Variants in WDR33 observed in about 807,000 individuals in gnomAD.
WDR33 encodes the protein WD repeat domain 33.
In WDR33, 47 loss-of-function variants were observed where a neutral mutation model predicts 164.9. The observed-to-expected ratio is 0.29, with a 90% confidence interval of 0.23 to 0.36. The LOEUF (loss-of-function observed/expected upper bound fraction) is 0.36. Among genes scored for constraint, WDR33 ranks in the 10% least tolerant of loss-of-function variants. The probability of loss-of-function intolerance (pLI) is 1.00; values close to 1 mark genes in which losing one functional copy is unlikely to be tolerated. For synonymous variants in WDR33, 505 were observed against 589.0 expected (o/e 0.86, Z 2.06); for missense variants, 1,137 against 1,754.1 (o/e 0.65, Z 6.28).
At chr2:127,762,107 T>C (rs1392840104) in intron 7 of WDR33, among the ~76,000 whole-genome samples, 1 of 152,210 alleles carries the variant, frequency 6.6e-6, no homozygotes, top group Non-Finnish European at 1.5e-5. Context: ...GGAAAAGCTC[T>C]GAATAATAAT....
rs1686911473 is a variant in WDR33 at position 127,738,214 on chromosome 2, C to T, written c.725-11437G>A. Among the ~76,000 whole-genome samples the T allele has an allele frequency of 6.6e-6, 1 of 152,132 alleles. No individual in the cohort carries two copies. Among genetic ancestry groups the T allele is most frequent in the Non-Finnish European group, 1.5e-5 (1 of 68,008 alleles). The stretch of plus-strand genomic sequence containing the variant: ...TATGCTCCAACTGGATCTTAACAAA[C>T]ATCTCCATTTCTGTTTCAAAGAAAA... On this transcript the variant is annotated intron_variant, in intron 7 of 21. Transcript: ENST00000322313. This position sits in a 1 kb window ranked among gnomAD's most constrained non-coding sequence, Gnocchi z 4.4.
chr2:127,746,041 T>TAAA (rs59854828), intron 7 of WDR33, among the ~76,000 whole-genome samples: 59 of 99,878 alleles, frequency 5.9e-4, no homozygotes, highest in African/African-American at 1.1e-3. Flanking sequence ...ATAAAATAAT[T>TAAA]AAAAAAAAAA....
intron 21 of WDR33, among the ~76,000 whole-genome samples, chr2:127,707,281 CTTGT>C (rs2105369038): frequency 6.6e-6 from 1 of 150,746 alleles, no homozygotes; most frequent in East Asian, 1.9e-4. Context: ...AAAATTCTAT[CTTGT>C]AAGATTTTTT....
rs1385429404 is a variant in WDR33, at chr2:127,704,449, G to C, written c.*1874C>G. The C allele has an allele frequency of 6.0e-6, 1 of 166,850 alleles. No individual in the cohort carries two copies. Among genetic ancestry groups the C allele is most frequent in the East Asian group, 1.9e-4 (1 of 5,186 alleles). The allele number at this position is 166,850 out of a possible 1,614,324, so 10.3% of individuals were successfully genotyped here. ...AAAGTCTAATCTTGATATGGGTTTG[G>C]TCTCTGGATCCGGTTTTAGCTTCAT... On this transcript the variant is annotated 3_prime_UTR_variant, in exon 22 of 22. Coordinates refer to ENST00000322313, the MANE Select transcript of WDR33 (RefSeq NM_018383.5).
At chr2:127,748,909 G>T (rs557512580) in intron 7 of WDR33, among the ~76,000 whole-genome samples, 7 of 147,216 alleles carry the variant, frequency 4.8e-5, no homozygotes, top group African/African-American at 1.8e-4. Flanking sequence ...AAAAAAAAGT[G>T]CTCACCTTAA....
chr2:127,713,790 C>T lies in WDR33; in HGVS notation c.3101G>A (p.Gly1034Glu). The T allele has an allele frequency of 6.2e-7, 1 of 1,613,164 alleles. No homozygotes were observed. The highest frequency in any genetic ancestry group is 8.5e-7 in the Non-Finnish European group (1 of 1,179,088). The change falls in exon 18 of 22, where the codon GGG becomes GAG. Residue 1034 changes from glycine to glutamate, a missense_variant. By Grantham distance (98) the Gly-to-Glu change is moderately conservative. Coordinates refer to ENST00000322313, the MANE Select transcript of WDR33 (RefSeq NM_018383.5). The surrounding 1 kb of genome is among the most constrained non-coding windows in gnomAD (Gnocchi z 6.2). ...RFGHRLREFE[G>E]RGGPLPQEEK... ...TTCTTGCGGTAAAGGTCCTCCTCGC[C>T]CCTCAAATTCACGTAACCGGTGGCC...
chr2:127,703,743 G>A lies in WDR33; in HGVS notation c.*2580C>T, dbSNP rs978107906. On this transcript the variant is annotated 3_prime_UTR_variant, in exon 22 of 22. Transcript: ENST00000322313. ...TCTAGTCCCCTAAATTTCTGTTCTA[G>A]TTTTAAATTTCTCTAGAACTTGCAA... 1 of 167,028 alleles carries A rather than the reference G, an allele frequency of 6.0e-6. No individual in the cohort carries two copies. The highest frequency in any genetic ancestry group is 1.5e-5 in the Non-Finnish European group (1 of 68,128). The allele number at this position is 167,028 out of a possible 1,614,324, so 10.3% of individuals were successfully genotyped here.
At chr2:127,711,776 A>ATTTTTTTTTTTTTTTT (rs1284723078) in intron 18 of WDR33, among the ~76,000 whole-genome samples, 10 of 94,076 alleles carry the variant, frequency 1.1e-4, no homozygotes, top group Admixed American at 3.2e-4. Context: ...ATATATATAT[A>ATTTTTTTTTTTTTTTT]TATATTTTTT....
rs1329103787 is a variant in WDR33, at chr2:127,709,776, A to C, written c.3389T>G (p.Phe1130Cys). 1 of 1,614,146 alleles carries C rather than the reference A, an allele frequency of 6.2e-7. No homozygotes were observed. The highest frequency in any genetic ancestry group is 8.5e-7 in the Non-Finnish European group (1 of 1,180,030). The change falls in exon 19 of 22, where the codon TTT (phenylalanine) becomes TGT (cysteine). Residue 1130 changes from phenylalanine to cysteine, a missense_variant. Physicochemically the swap from Phe to Cys is radical, Grantham distance 205 (BLOSUM62 -2). Around this residue, in one of 9 missense-constraint regions of WDR33, gnomAD observed 867 missense variants for 1,073.0 expected, o/e 0.81. Transcript: ENST00000322313. This position sits in a 1 kb window ranked among gnomAD's most constrained non-coding sequence, Gnocchi z 5.0. ...GRDGFPGPED[F>C]GPEENFDASE... ...AGCATCAAAATTCTCCTCTGGACCA[A>C]AGTCTTCAGGACCAGGAAAACCATC...
chr2:127,746,668 G>C (rs930855974), intron 7 of WDR33, among the ~76,000 whole-genome samples: 3 of 152,206 alleles, frequency 2.0e-5, no homozygotes, highest in Admixed American at 6.5e-5. Context: ...TCAGCTGAGT[G>C]ATGTTTAAAG....
chr2:127,729,820 T>C (rs1323085150), intron 7 of WDR33, among the ~76,000 whole-genome samples: 1 of 152,214 alleles, frequency 6.6e-6, no homozygotes. Context: ...AGCCTTTACA[T>C]CATTTTACTT....
intron 1 of WDR33, among the ~76,000 whole-genome samples, chr2:127,794,990 A>C (rs969753082): frequency 3.3e-5 from 5 of 151,960 alleles, no homozygotes; most frequent in Non-Finnish European, 7.4e-5. Flanking sequence ...CCCTGGTGTC[A>C]AAACATAAAA....
chr2:127,798,375 A>C, intron 1 of WDR33, among the ~76,000 whole-genome samples: 1 of 143,028 alleles, frequency 7.0e-6, no homozygotes, highest in African/African-American at 2.5e-5. Flanking sequence ...CGCAAAAAAA[A>C]AAAAAAAAAA....
At chr2:127,782,184 G>T (rs902094954) in intron 1 of WDR33, among the ~76,000 whole-genome samples, 24 of 152,130 alleles carry the variant, frequency 1.6e-4, no homozygotes, top group Non-Finnish European at 2.8e-4. Context: ...AGGCAGGAGG[G>T]TCATTTGAGG....
rs1285834769 is a variant in WDR33, at chr2:127,703,150, C to T, written c.*3173G>A. On this transcript the variant is annotated 3_prime_UTR_variant, in exon 22 of 22. Transcript: ENST00000322313. ...ATGAGTCCAGAAAACTACGTTTTGT[C>T]AGTAGCAATACACTAGGAAGTAAAA... 1 of 166,992 alleles carries T rather than the reference C, an allele frequency of 6.0e-6. No individual in the cohort carries two copies. Among genetic ancestry groups the T allele is most frequent in the Non-Finnish European group, 1.5e-5 (1 of 68,108 alleles). 10.3% of individuals were successfully genotyped at this position (166,992 alleles called of 1,614,324 possible).
At position 127,726,082 on chromosome 2, in the gene WDR33, A is replaced by T. The variant is rs1194646135; in HGVS notation, c.851+569T>A. 2.0e-5 allele frequency among the ~76,000 whole-genome samples: 3 copies of T among 152,156 alleles called. No homozygotes were observed. The highest frequency in any genetic ancestry group is 7.2e-5 in the African/African-American group (3 of 41,434). The stretch of plus-strand genomic sequence containing the variant: ...GCCTTGCTCCAACCAATTCACTCTG[A>T]ATATGGTTCTCTTCCCAATCAGAAA... On this transcript the variant is annotated intron_variant, in intron 8 of 21. Coordinates refer to ENST00000322313, the MANE Select transcript of WDR33 (RefSeq NM_018383.5). The surrounding 1 kb of genome is among the most constrained non-coding windows in gnomAD (Gnocchi z 4.8).
intron 2 of WDR33, among the ~76,000 whole-genome samples, chr2:127,769,618 A>G (rs1160891214): frequency 1.3e-5 from 2 of 152,140 alleles, no homozygotes; most frequent in East Asian, 1.9e-4. Context: ...ACAATTCCTC[A>G]TATCTTGCCC....
chr2:127,787,531 G>A (rs1264720092), intron 1 of WDR33, among the ~76,000 whole-genome samples: 4 of 125,500 alleles, frequency 3.2e-5, no homozygotes, highest in African/African-American at 6.8e-5. Context: ...CTGGCCGGTC[G>A]GGGGGCTGAC....
rs1406711743 is a variant in WDR33 at position 127,705,777 on chromosome 2, A to G, written c.*546T>C. ...TGTGACAGAATGTGTTGAAAAACAC[A>G]AAGTTCACAGCTGAGATTAATTTAG... On this transcript the variant is annotated 3_prime_UTR_variant, in exon 22 of 22. Coordinates refer to ENST00000322313, the MANE Select transcript of WDR33 (RefSeq NM_018383.5). This position sits in a 1 kb window ranked among gnomAD's most constrained non-coding sequence, Gnocchi z 4.5. 1.3e-5 allele frequency: 2 copies of G among 152,392 alleles called. No individual in the cohort carries two copies. Among genetic ancestry groups the G allele is most frequent in the Non-Finnish European group, 2.9e-5 (2 of 68,144 alleles). The allele number at this position is 152,392 out of a possible 1,614,324, so 9.4% of individuals were successfully genotyped here.
Sources: allele counts gnomAD v4.1 joint callset (sites outside exome capture counted in the v4.1 genomes callset), GRCh38; gene constraint gnomAD v4.1.1; regional missense constraint gnomAD v4.1.1; non-coding constraint Gnocchi (gnomAD v3.1); transcripts MANE v1.5; gene names NCBI Gene and HGNC (gene_info 2026-07-23, HGNC 2026-07-21).